The following STAU2 variants were observed in gnomAD, a reference collection of about 807,000 sequenced individuals.
The protein encoded by STAU2 is double-stranded RNA-binding protein Staufen homolog 2.
Under a neutral mutation model 65.9 loss-of-function variants are expected in STAU2, and 20 were observed. The ratio of observed to expected loss-of-function variants is 0.30; its 90% CI spans 0.21 to 0.44. STAU2 has a LOEUF of 0.44. STAU2 is among the 20% of genes least tolerant of loss of function. STAU2 has a pLI of 1.00. For missense variants in STAU2, 558 were observed against 683.9 expected (o/e 0.82, Z 2.05); for synonymous variants, 232 against 233.9 (o/e 0.99, Z 0.07).
intron 4 of STAU2, among the ~76,000 whole-genome samples, chr8:73,691,596 T>C (rs542618347): frequency 6.6e-6 from 1 of 152,020 alleles, no homozygotes; most frequent in Non-Finnish European, 1.5e-5. Flanking sequence ...TACTAAGATA[T>C]ATACATGCAC....
chr8:73,434,168 T>C (rs1349247999), intron 13 of STAU2, among the ~76,000 whole-genome samples: 2 of 151,374 alleles, frequency 1.3e-5, no homozygotes, highest in African/African-American at 4.9e-5. Context: ...AGAAAGGCAA[T>C]GTTGCTGGTT....
At chr8:73,522,977 C>T (rs1416666048) in intron 13 of STAU2, among the ~76,000 whole-genome samples, 1 of 152,010 alleles carries the variant, frequency 6.6e-6, no homozygotes, top group Non-Finnish European at 1.5e-5. Context: ...GCGCACAGAT[C>T]ACGAGGTCAG....
intron 6 of STAU2, 82 bp from the exon 7 acceptor site, chr8:73,617,533 C>A (rs1812916745): frequency 7.5e-6 from 10 of 1,340,526 alleles, no homozygotes; most frequent in Middle Eastern, 2.0e-4. Context: ...TAAAATGATA[C>A]CAATTATATA....
chr8:73,505,924 A>T (rs1822037908), intron 13 of STAU2, among the ~76,000 whole-genome samples: 1 of 151,898 alleles, frequency 6.6e-6, no homozygotes, highest in African/African-American at 2.4e-5. Context: ...TGGTTGTTTA[A>T]AACTATCTGG....
intron 10 of STAU2, among the ~76,000 whole-genome samples, chr8:73,602,722 C>A (rs1479610913): frequency 4.1e-5 from 6 of 145,782 alleles, no homozygotes; most frequent in African/African-American, 1.6e-4. Flanking sequence ...GACCCTGTTG[C>A]CCCACCAAAA....
chr8:73,746,647 G>T (rs1807310605), intron 1 of STAU2, 136 bp downstream of exon 1: 1 of 433,360 alleles, frequency 2.3e-6, no homozygotes, highest in South Asian at 1.1e-4. Context: ...CGCGGGGGAG[G>T]GGAGGCCGCG....
chr8:73,431,259 C>A (rs1223369809), intron 13 of STAU2, among the ~76,000 whole-genome samples: 1 of 152,146 alleles, frequency 6.6e-6, no homozygotes, highest in Admixed American at 6.5e-5. Flanking sequence ...GTTTTCCTAG[C>A]AAATCAAAAC....
intron 4 of STAU2, among the ~76,000 whole-genome samples, chr8:73,701,015 C>T (rs1050768196): frequency 6.6e-6 from 1 of 152,004 alleles, no homozygotes; most frequent in Non-Finnish European, 1.5e-5. Context: ...AGAACATACA[C>T]TGGGGAAAAG....
chr8:73,613,891 G>C lies in STAU2; in HGVS notation c.744C>G (p.Phe248Leu), dbSNP rs1812646262. 9.9e-6 allele frequency: 16 copies of C among 1,613,764 alleles called. No homozygotes were observed. The highest frequency in any genetic ancestry group is 1.2e-5 in the Non-Finnish European group (14 of 1,179,890). The part of the protein sequence containing the change: ...SFVTRVSVGE[F>L]SAEGEGNSKK... Reference sequence around the variant, plus strand: ...TGCTATTTCCTTCTCCTTCTGCAGAGAACTCTCCTACTGACACTCGAGTAA... The same window carrying C: ...TGCTATTTCCTTCTCCTTCTGCAGACAACTCTCCTACTGACACTCGAGTAA... The change falls in exon 9 of 15, where the codon TTC becomes TTG. Residue 248 changes from phenylalanine to leucine, a missense_variant. This residue lies in a region of STAU2 where 199 missense variants were observed against 299.5 expected (regional missense o/e 0.66). Transcript: ENST00000524300.
intron 6 of STAU2, among the ~76,000 whole-genome samples, chr8:73,656,979 G>A (rs897661867): frequency 3.3e-5 from 5 of 152,136 alleles, no homozygotes; most frequent in African/African-American, 7.2e-5. Flanking sequence ...TATTAATGGC[G>A]AACACTAGGT....
intron 3 of STAU2, 61 bp from the exon 4 acceptor site, chr8:73,709,223 C>T (rs1820722354): frequency 1.1e-5 from 14 of 1,317,044 alleles, no homozygotes; most frequent in South Asian, 1.9e-5. Context: ...GGAAGAAAAA[C>T]TAGTTTTGAC....
rs560437155 is a variant in STAU2, at chr8:73,661,397, T to C, written c.410+11710A>G. Among the ~76,000 whole-genome samples the C allele has an allele frequency of 1.9e-4, 29 of 151,358 alleles. 1 individual carries two copies. In the South Asian group the frequency reaches 6.1e-3, roughly 32 times the overall value. On this transcript the variant is annotated intron_variant, in intron 6 of 14. Coordinates refer to ENST00000524300, the MANE Select transcript of STAU2 (RefSeq NM_001164380.2). ...AAAATCTGGCGCTTTCTTATAAATA[T>C]TTTTAGCCTCAAAGAAAATGGAGGA...
At chr8:73,430,317 TCAA>T (rs1301658266) in intron 13 of STAU2, among the ~76,000 whole-genome samples, 1 of 152,022 alleles carries the variant, frequency 6.6e-6, no homozygotes, top group Admixed American at 6.6e-5. Flanking sequence ...AGCAACAAGC[TCAA>T]CATGTTCAGG....
chr8:73,653,526 A>G (rs1028886783), intron 6 of STAU2: 1 of 152,978 alleles, frequency 6.5e-6, no homozygotes, highest in African/African-American at 2.4e-5. Flanking sequence ...CAAAAGTTCT[A>G]TGACTATTCA....
At chr8:73,548,517 CAT>C (rs1348126681) in intron 13 of STAU2, among the ~76,000 whole-genome samples, 1 of 152,058 alleles carries the variant, frequency 6.6e-6, no homozygotes, top group Non-Finnish European at 1.5e-5. Context: ...CAAAAGGAGG[CAT>C]ATGAGTTGAA....
At chr8:73,679,658 G>A (rs1001330558) in intron 5 of STAU2, among the ~76,000 whole-genome samples, 3 of 139,820 alleles carry the variant, frequency 2.1e-5, no homozygotes, top group African/African-American at 8.3e-5. Flanking sequence ...AAGGTGAGTG[G>A]ATCGCTTGAG....
intron 5 of STAU2, among the ~76,000 whole-genome samples, chr8:73,686,885 GTTTC>G (rs1297851643): frequency 2.8e-5 from 4 of 143,188 alleles, no homozygotes; most frequent in Non-Finnish European, 4.5e-5. Context: ...TTGTGATGGG[GTTTC>G]TTTCTTTTTT....
At chr8:73,671,011 T>C (rs901700850) in intron 6 of STAU2, among the ~76,000 whole-genome samples, 1 of 151,892 alleles carries the variant, frequency 6.6e-6, no homozygotes, top group East Asian at 1.9e-4. Context: ...CATAAACATT[T>C]GAAAACTGGT....
intron 11 of STAU2, among the ~76,000 whole-genome samples, chr8:73,587,729 A>G (rs1167869519): frequency 1.3e-5 from 2 of 152,246 alleles, no homozygotes; most frequent in African/African-American, 4.8e-5. Flanking sequence ...ACCAAGAGAT[A>G]GCACAAACTA....
Sources: allele counts gnomAD v4.1 joint callset (sites outside exome capture counted in the v4.1 genomes callset), GRCh38; gene constraint gnomAD v4.1.1; regional missense constraint gnomAD v4.1.1; transcripts MANE v1.5; gene names NCBI Gene and HGNC (gene_info 2026-07-23, HGNC 2026-07-21).